Variants in CDH12 observed in about 807,000 individuals in gnomAD.
The protein encoded by CDH12 is cadherin 12.
A neutral mutation model predicts 74.1 loss-of-function variants in CDH12; 41 were observed. The observed-to-expected ratio is 0.55, with a 90% CI of 0.43 to 0.72. The LOEUF (loss-of-function observed/expected upper bound fraction) is 0.72, where lower values mean the gene tolerates loss of function less well. Among genes scored for constraint, CDH12 ranks in the 30% least tolerant of loss-of-function variants. CDH12 has a pLI of 0.00. For synonymous variants in CDH12, 399 were observed against 355.0 expected, an observed-to-expected ratio of 1.12 and a Z score of -1.39; for missense variants, 945 against 977.2, an observed-to-expected ratio of 0.97 and a Z score of 0.44.
At chr5:22,310,418 G>T (rs964730720) in intron 3 of CDH12, among the ~76,000 whole-genome samples, 1 of 148,292 alleles carries the variant, frequency 6.7e-6, no homozygotes, top group Non-Finnish European at 1.5e-5. Flanking sequence ...AGTGGAGATC[G>T]CACCACTGCA....
At chr5:21,977,662 A>C (rs887045259) in intron 5 of CDH12, among the ~76,000 whole-genome samples, 2 of 152,270 alleles carry the variant, frequency 1.3e-5, no homozygotes, top group African/African-American at 4.8e-5. Context: ...AAAAATGAAG[A>C]AGCAAAATGT....
At chr5:22,234,137 AT>A (rs1372567231) in intron 3 of CDH12, among the ~76,000 whole-genome samples, 3 of 152,196 alleles carry the variant, frequency 2.0e-5, no homozygotes, top group Non-Finnish European at 4.4e-5. Context: ...ATCTTTTTAA[AT>A]ATCACTTTTT....
At chr5:22,266,722 T>A (rs1442161837) in intron 3 of CDH12, among the ~76,000 whole-genome samples, 2 of 152,154 alleles carry the variant, frequency 1.3e-5, no homozygotes, top group Non-Finnish European at 2.9e-5. Context: ...TGCTACTGAT[T>A]AATATATTCT....
At chr5:22,733,364 G>T (rs955273061) in intron 1 of CDH12, among the ~76,000 whole-genome samples, 1 of 151,252 alleles carries the variant, frequency 6.6e-6, no homozygotes, top group Non-Finnish European at 1.5e-5. Context: ...GTTAAAAAAG[G>T]AGCAAAATTC....
rs1245433334 is a variant in CDH12 at position 22,170,900 on chromosome 5, A to G, written c.-187+41598T>C. Among the ~76,000 whole-genome samples the G allele has an allele frequency of 2.0e-5, 3 of 151,860 alleles. No individual in the cohort carries two copies. The East Asian group carries it at 5.8e-4, about 29-fold the overall frequency. On this transcript the variant is annotated intron_variant, in intron 4 of 14. Transcript: ENST00000382254. The stretch of plus-strand genomic sequence containing the variant: ...ATAGCTACTGTTAAGTAGAATTTTA[A>G]TTAAGCAGCAGTTGGTAGCAGTTAG...
At chr5:22,514,442 G>A (rs941984852) in intron 1 of CDH12, among the ~76,000 whole-genome samples, 1 of 152,050 alleles carries the variant, frequency 6.6e-6, no homozygotes. Context: ...TAGCATCTAT[G>A]AAGCTGGCAC....
Position 22,848,533 on chromosome 5 carries a change from C to T in CDH12, c.-523+4525G>A, listed in dbSNP as rs142949090. Among the ~76,000 whole-genome samples the T allele has an allele frequency of 6.2e-3, 938 of 152,244 alleles. 8 individuals carry two copies. The highest frequency in any genetic ancestry group is 9.1e-3 in the Non-Finnish European group (616 of 68,006). On this transcript the variant is annotated intron_variant, in intron 1 of 14. Coordinates refer to ENST00000382254, the MANE Select transcript of CDH12 (RefSeq NM_004061.5). ...GTTCATACACGATCAAAGTTTGTTA[C>T]CCACACCCCCATGGTCTCCATTTTC...
chr5:22,575,494 G>A (rs1213349688), intron 1 of CDH12, among the ~76,000 whole-genome samples: 2 of 152,010 alleles, frequency 1.3e-5, no homozygotes, highest in South Asian at 4.2e-4. Flanking sequence ...CTGTGCTCAA[G>A]CAATCCTTCC....
chr5:22,095,497 T>A (rs1488647321), intron 4 of CDH12, among the ~76,000 whole-genome samples: 1 of 152,062 alleles, frequency 6.6e-6, no homozygotes, highest in Non-Finnish European at 1.5e-5. Context: ...CCTGCCTTGG[T>A]CCTTCACCCT....
At chr5:22,326,927 C>G (rs890814434) in intron 3 of CDH12, among the ~76,000 whole-genome samples, 1 of 152,072 alleles carries the variant, frequency 6.6e-6, no homozygotes, top group Admixed American at 6.5e-5. Flanking sequence ...TGCTAGACAG[C>G]AAAAGCATTT....
intron 4 of CDH12, among the ~76,000 whole-genome samples, chr5:22,130,190 G>A (rs1216602658): frequency 6.6e-6 from 1 of 150,746 alleles, no homozygotes; most frequent in East Asian, 2.0e-4. Flanking sequence ...AAGGAAAAAG[G>A]GAGGAGTTTA....
At chr5:22,318,260 TAC>T (rs1339555308) in intron 3 of CDH12, among the ~76,000 whole-genome samples, 1 of 152,218 alleles carries the variant, frequency 6.6e-6, no homozygotes, top group Non-Finnish European at 1.5e-5. Flanking sequence ...TATTAGAATC[TAC>T]AGAGACATCA....
chr5:21,921,238 C>T (rs190168399), intron 6 of CDH12, among the ~76,000 whole-genome samples: 1 of 152,180 alleles, frequency 6.6e-6, no homozygotes, highest in African/African-American at 2.4e-5. Flanking sequence ...TGGCATGATC[C>T]TAAATTTTTT....
chr5:22,611,200 C>T (rs1737377886), intron 1 of CDH12, among the ~76,000 whole-genome samples: 1 of 152,060 alleles, frequency 6.6e-6, no homozygotes, highest in African/African-American at 2.4e-5. Flanking sequence ...GAAATTATGG[C>T]ACTTCTGACT....
At chr5:21,880,683 CTTT>C (rs1561268928) in intron 6 of CDH12, among the ~76,000 whole-genome samples, 8 of 107,774 alleles carry the variant, frequency 7.4e-5, no homozygotes, top group Non-Finnish European at 1.2e-4. Context: ...TTCTTTCTTT[CTTT>C]CTTTCTCTTT....
At chr5:22,480,164 A>G (rs552565690) in intron 2 of CDH12, among the ~76,000 whole-genome samples, 114 of 152,266 alleles carry the variant, frequency 7.5e-4, no homozygotes, top group Middle Eastern at 6.8e-3. Context: ...AGGCTTCAAG[A>G]TAATTTTGCT....
intron 3 of CDH12, among the ~76,000 whole-genome samples, chr5:22,234,546 T>A (rs576818986): frequency 6.1e-4 from 93 of 151,978 alleles, no homozygotes; most frequent in African/African-American, 2.2e-3. Context: ...CATCTTTTTC[T>A]TCTCAGTCTT....
chr5:22,213,388 T>G (rs1373882903), intron 3 of CDH12, among the ~76,000 whole-genome samples: 1 of 151,814 alleles, frequency 6.6e-6, no homozygotes, highest in Non-Finnish European at 1.5e-5. Flanking sequence ...ATGTTTGCAT[T>G]GTACCCTTAA....
intron 6 of CDH12, among the ~76,000 whole-genome samples, chr5:21,944,547 T>A (rs1755482564): frequency 6.6e-6 from 1 of 152,142 alleles, no homozygotes; most frequent in Non-Finnish European, 1.5e-5. Flanking sequence ...ATAATTAATA[T>A]AATGTCTCAT....
Sources: gnomAD v4.1 joint callset for allele counts (sites outside exome capture counted in the v4.1 genomes callset) on GRCh38, gnomAD v4.1.1 for gene constraint, MANE v1.5 for transcripts, NCBI Gene and HGNC (gene_info 2026-07-23, HGNC 2026-07-21) for gene names.